Variants in CRTAC1 observed in about 807,000 individuals in gnomAD.
CRTAC1 encodes cartilage acidic protein 1.
A neutral mutation model predicts 67.8 loss-of-function variants in CRTAC1; 37 were observed. The ratio of observed to expected loss-of-function variants is 0.55; its 90% CI spans 0.42 to 0.72. The LOEUF (loss-of-function observed/expected upper bound fraction) is 0.72. CRTAC1 is among the 30% of genes least tolerant of loss of function. CRTAC1 has a pLI of 0.00. For synonymous variants in CRTAC1, 348 were observed against 371.0 expected, an observed-to-expected ratio of 0.94 and a Z score of 0.71; for missense variants, 780 against 931.6, an observed-to-expected ratio of 0.84 and a Z score of 2.12.
At chr10:98,015,475 A>G in intron 1 of CRTAC1, among the ~76,000 whole-genome samples, 1 of 152,328 alleles carries the variant, frequency 6.6e-6, no homozygotes, top group Middle Eastern at 3.4e-3. Context: ...ACTAAAGTAT[A>G]TACTTAAATA....
intron 2 of CRTAC1, among the ~76,000 whole-genome samples, chr10:97,954,427 T>C (rs879845967): frequency 1.7e-4 from 26 of 152,186 alleles, no homozygotes; most frequent in African/African-American, 5.6e-4. Flanking sequence ...TTGTGATTGC[T>C]AGAGCTGGGG....
At chr10:97,865,808 C>T (rs899993403) in intron 14 of CRTAC1, 94 bp from the exon 15 acceptor site, 16 of 1,401,298 alleles carry the variant, frequency 1.1e-5, no homozygotes, top group Admixed American at 5.2e-5. Context: ...TTTGGGCTCA[C>T]CCTGCTGCCC....
rs190335417 is a variant in CRTAC1 at position 97,887,328 on chromosome 10, G to A, written c.1487-2977C>T. 3.7e-3 allele frequency among the ~76,000 whole-genome samples: 557 copies of A among 148,602 alleles called. 3 individuals are homozygous for A. Among genetic ancestry groups the A allele is most frequent in the African/African-American group, 0.012 (499 of 40,070 alleles). ...GGGATCTCAGTTCACCACAACCTCCGCCTCCCAGGTTCAAGCAATTTTTCT... is the reference window on the plus strand; with the variant it reads ...GGGATCTCAGTTCACCACAACCTCCACCTCCCAGGTTCAAGCAATTTTTCT... On this transcript the variant is annotated intron_variant, in intron 11 of 14. Transcript: ENST00000370597.
chr10:97,937,088 C>T (rs2051101510), intron 2 of CRTAC1, among the ~76,000 whole-genome samples: 1 of 152,174 alleles, frequency 6.6e-6, no homozygotes, highest in Admixed American at 6.5e-5. Context: ...TTAGACAGAC[C>T]TGCTGGATCT....
chr10:97,997,845 G>A (rs1208785674), intron 2 of CRTAC1, among the ~76,000 whole-genome samples: 1 of 152,214 alleles, frequency 6.6e-6, no homozygotes, highest in Non-Finnish European at 1.5e-5. Flanking sequence ...TATCCAGAAT[G>A]CAGCAGCACA....
Position 97,901,656 on chromosome 10 carries a change from TG to T in CRTAC1, c.997-18del. On this transcript the variant is annotated intron_variant, in intron 7 of 14. Coordinates refer to ENST00000370597, the MANE Select transcript of CRTAC1 (RefSeq NM_018058.7). The stretch of plus-strand genomic sequence containing the variant: ...GGCGATGTCCTGGAGGAAACAAGGC[TG>T]GGGGTCAGTGGCAGGAGAGTGGGCT... 2 of 1,613,830 alleles carry T rather than the reference TG, an allele frequency of 1.2e-6. No homozygotes were observed. Among genetic ancestry groups the T allele is most frequent in the Non-Finnish European group, 1.7e-6 (2 of 1,179,876 alleles).
intron 4 of CRTAC1, among the ~76,000 whole-genome samples, chr10:97,918,803 T>G (rs1410354214): frequency 6.6e-6 from 1 of 151,936 alleles, no homozygotes; most frequent in Admixed American, 6.6e-5. Context: ...TTGTTTTTTT[T>G]TTTTGGGTCT....
chr10:97,880,554 C>G (rs767239837), intron 13 of CRTAC1, among the ~76,000 whole-genome samples, 162 bp from the exon 14 acceptor site: 1 of 152,090 alleles, frequency 6.6e-6, no homozygotes, highest in Non-Finnish European at 1.5e-5. Flanking sequence ...TGTACTTGGT[C>G]TCTACATGCT....
Position 98,016,419 on chromosome 10 carries a change from T to C in CRTAC1, c.25-5082A>G, listed in dbSNP as rs115079864. Among the ~76,000 whole-genome samples the C allele has an allele frequency of 4.0e-3, 614 of 152,316 alleles. 4 individuals are homozygous for C. The highest frequency in any genetic ancestry group is 9.8e-3 in the African/African-American group (409 of 41,574). Reference sequence around the variant, plus strand: ...AGGTGTTTAAAAGCCGTTCTTCCTCTAAAGAAATGCTCCTCAAAAGGCAAT... The same window carrying C: ...AGGTGTTTAAAAGCCGTTCTTCCTCCAAAGAAATGCTCCTCAAAAGGCAAT... On this transcript the variant is annotated intron_variant, in intron 1 of 14. Transcript: ENST00000370597.
chr10:97,990,524 T>C lies in CRTAC1; in HGVS notation c.224+20614A>G, dbSNP rs534216777. The stretch of plus-strand genomic sequence containing the variant: ...CATTTTGTTTTATCATTCCATTTCC[T>C]ATTAGCGTCTTTTAGCAAGCATGGA... On this transcript the variant is annotated intron_variant, in intron 2 of 14. Coordinates refer to ENST00000370597, the MANE Select transcript of CRTAC1 (RefSeq NM_018058.7). 5.8e-4 allele frequency among the ~76,000 whole-genome samples: 88 copies of C among 152,340 alleles called. 1 individual carries two copies. The highest frequency in any genetic ancestry group is 3.3e-3 in the Admixed American group (51 of 15,304).
At chr10:97,941,214 G>A (rs368228323) in intron 2 of CRTAC1, among the ~76,000 whole-genome samples, 9 of 151,866 alleles carry the variant, frequency 5.9e-5, no homozygotes, top group Non-Finnish European at 1.0e-4. Context: ...TTTCCCCACC[G>A]CTGTCCTCTG....
Position 97,865,319 on chromosome 10 carries a change from G to A in CRTAC1, c.*229C>T. 1 of 461,400 alleles carries A rather than the reference G, an allele frequency of 2.2e-6. No individual in the cohort carries two copies. Among genetic ancestry groups the A allele is most frequent in the Non-Finnish European group, 3.8e-6 (1 of 266,198 alleles). 28.6% of individuals were successfully genotyped at this position (461,400 alleles called of 1,614,324 possible). On this transcript the variant is annotated 3_prime_UTR_variant, in exon 15 of 15. Coordinates refer to ENST00000370597, the MANE Select transcript of CRTAC1 (RefSeq NM_018058.7). ...ATATGGTCATTAGACCCACTGGAAT[G>A]TAAGCGCCATCAGGGCAGCGACCCT...
intron 1 of CRTAC1, among the ~76,000 whole-genome samples, chr10:98,024,034 T>C (rs563292511): frequency 6.6e-6 from 1 of 152,374 alleles, no homozygotes; most frequent in East Asian, 1.9e-4. Flanking sequence ...CACAACATGA[T>C]GCTTCCTTTA....
At chr10:97,973,999 A>C (rs1024555502) in intron 2 of CRTAC1, among the ~76,000 whole-genome samples, 2 of 151,996 alleles carry the variant, frequency 1.3e-5, no homozygotes, top group Non-Finnish European at 2.9e-5. Context: ...AAAGGTTAAA[A>C]ATGAAAATGA....
intron 2 of CRTAC1, among the ~76,000 whole-genome samples, chr10:97,947,118 GT>G (rs1056331378): frequency 9.2e-5 from 14 of 152,208 alleles, no homozygotes; most frequent in African/African-American, 3.4e-4. Context: ...GGACAGAATA[GT>G]TGGGGCAAGG....
At chr10:98,008,551 T>C (rs1383403477) in intron 2 of CRTAC1, among the ~76,000 whole-genome samples, 14 of 152,068 alleles carry the variant, frequency 9.2e-5, no homozygotes, top group Admixed American at 9.2e-4. Flanking sequence ...TGCAAGGTAC[T>C]GAAATCAGAG....
chr10:97,969,600 C>T (rs2051675237), intron 2 of CRTAC1, among the ~76,000 whole-genome samples: 1 of 152,164 alleles, frequency 6.6e-6, no homozygotes, highest in Non-Finnish European at 1.5e-5. Context: ...TAACCATTGC[C>T]TGCTGGGGAC....
intron 2 of CRTAC1, among the ~76,000 whole-genome samples, chr10:97,964,604 G>A (rs1042609292): frequency 1.5e-4 from 23 of 152,174 alleles, no homozygotes; most frequent in African/African-American, 4.8e-4. Context: ...GTTCTGAGCC[G>A]CAAAAACTTG....
At chr10:97,886,996 G>C (rs539729608) in intron 11 of CRTAC1, among the ~76,000 whole-genome samples, 1 of 151,612 alleles carries the variant, frequency 6.6e-6, no homozygotes, top group South Asian at 2.1e-4. Context: ...AGGCGCAAGA[G>C]ATTTGGCATT....
Sources: allele counts gnomAD v4.1 joint callset (sites outside exome capture counted in the v4.1 genomes callset), GRCh38; gene constraint gnomAD v4.1.1; transcripts MANE v1.5; gene names NCBI Gene and HGNC (gene_info 2026-07-23, HGNC 2026-07-21).